ASPG: variants seen among roughly 807,000 people sequenced by gnomAD.
ASPG encodes asparaginase.
In ASPG, 53 loss-of-function variants were observed where a neutral mutation model predicts 63.2. That is an observed-to-expected ratio of 0.84 (90% CI 0.67 to 1.05). ASPG has a LOEUF of 1.05. Ranked by LOEUF, ASPG falls within the 50% of genes least tolerant of loss-of-function variation. The probability of loss-of-function intolerance (pLI) is 0.00; values close to 1 mark genes in which losing one functional copy is unlikely to be tolerated. For missense variants in ASPG, 741 were observed against 794.4 expected, an observed-to-expected ratio of 0.93 and a Z score of 0.81; for synonymous variants, 370 against 355.0, an observed-to-expected ratio of 1.04 and a Z score of -0.48.
At chr14:104,097,916 TC>T (rs1408933866) in intron 5 of ASPG, among the ~76,000 whole-genome samples, 3 of 136,948 alleles carry the variant, frequency 2.2e-5, no homozygotes, top group South Asian at 2.6e-4. Flanking sequence ...GTATGGAGGT[TC>T]TGCGTTAGAG....
intron 4 of ASPG, 90 bp from the exon 5 acceptor site, chr14:104,097,464 T>C: frequency 1.5e-6 from 2 of 1,304,378 alleles, no homozygotes; most frequent in Non-Finnish European, 2.1e-6. Flanking sequence ...GCTCCTGGGC[T>C]GGGCCTGGGG....
In ASPG at chr14:104,114,920, T is replaced by C. The variant is rs961749683; in HGVS notation, c.*2376T>C. ...ATCAGGGCCGCCTTGTCTCTTGCTG[T>C]GGTGTGAGGCTGTGGGAGACTCAGG... On this transcript the variant is annotated 3_prime_UTR_variant, in exon 16 of 16. Coordinates refer to ENST00000551177, the MANE Select transcript of ASPG (RefSeq NM_001080464.3). The C allele has an allele frequency of 6.6e-6, 1 of 152,182 alleles. No homozygotes were observed. The highest frequency in any genetic ancestry group is 1.5e-5 in the Non-Finnish European group (1 of 68,044). 9.4% of individuals were successfully genotyped at this position (152,182 alleles called of 1,614,324 possible).
At chr14:104,112,366 C>A (rs1248914051) in intron 15 of ASPG, 158 bp from the exon 16 acceptor site, 21 of 667,780 alleles carry the variant, frequency 3.1e-5, no homozygotes, top group South Asian at 2.4e-4. Context: ...CAGCTGACAC[C>A]CCCATTCCCA....
intron 6 of ASPG, among the ~76,000 whole-genome samples, chr14:104,101,158 G>A (rs575442953): frequency 1.2e-4 from 18 of 152,316 alleles, no homozygotes; most frequent in Admixed American, 3.9e-4. Flanking sequence ...TCCCACGTGC[G>A]TGTGGGTGTG....
intron 6 of ASPG, 42 bp from the exon 7 acceptor site, chr14:104,103,521 A>G: frequency 6.6e-7 from 1 of 1,511,024 alleles, no homozygotes; most frequent in Non-Finnish European, 9.0e-7. Flanking sequence ...CTCGGCTGGC[A>G]GGAGGCCTGA....
intron 6 of ASPG, among the ~76,000 whole-genome samples, chr14:104,102,200 C>G (rs2036907505): frequency 6.6e-6 from 1 of 152,094 alleles, no homozygotes; most frequent in Non-Finnish European, 1.5e-5. Flanking sequence ...GGGCATCTCA[C>G]GCTGCCATCA....
Position 104,106,840 on chromosome 14 carries a change from C to G in ASPG, c.1215C>G (p.Ala405=). 1 of 1,601,562 alleles carries G rather than the reference C, an allele frequency of 6.2e-7. No individual in the cohort carries two copies. The highest frequency in any genetic ancestry group is 8.5e-7 in the Non-Finnish European group (1 of 1,175,710). Reference sequence around the variant, plus strand: ...GGAATGCCCTGGTGCCCAGCCTGGCCTGTGCTGCTGCCCACGCCGGTGACG... The same window carrying G: ...GGAATGCCCTGGTGCCCAGCCTGGCGTGTGCTGCTGCCCACGCCGGTGACG... ...ALRNALVPSL[A]CAAAHAGDVE... is the part of the protein sequence containing the mutation. The change falls in exon 11 of 16, where the codon GCC becomes GCG. Residue 405 remains alanine (A), a synonymous_variant. Transcript: ENST00000551177.
rs899472752 is a variant in ASPG at position 104,091,046 on chromosome 14, C to T, written c.83-1587C>T. ...ATGACCAGTTAATTTTTGTATTATT[C>T]GTAAAGACAGGGTTTCACCATGTTG... is the stretch of plus-strand genomic sequence containing the variant. On this transcript the variant is annotated intron_variant, in intron 1 of 15. Coordinates refer to ENST00000551177, the MANE Select transcript of ASPG (RefSeq NM_001080464.3). This position sits in a 1 kb window ranked among gnomAD's most constrained non-coding sequence, Gnocchi z 6.4. 3.3e-5 allele frequency among the ~76,000 whole-genome samples: 5 copies of T among 151,946 alleles called. No homozygotes were observed. Among genetic ancestry groups the T allele is most frequent in the Admixed American group, 6.6e-5 (1 of 15,230 alleles).
In ASPG at chr14:104,097,943, C is replaced by T. The variant is rs371887763; in HGVS notation, c.513+306C>T. Among the ~76,000 whole-genome samples, 33 of 110,900 alleles carry T rather than the reference C, an allele frequency of 3.0e-4. 2 individuals carry two copies. The highest frequency in any genetic ancestry group is 2.0e-3 in the East Asian group (5 of 2,510). The allele number at this position is 110,900 out of a possible 152,430, so 72.8% of individuals were successfully genotyped here. A position where few individuals can be genotyped will look rare whatever the true frequency, so the allele number is the denominator to read the frequency against. ...TGCGTTAGAGATGCGTATGGAGGTT[C>T]TGTGTTAGAGATGCGTATGGAGGTT... On this transcript the variant is annotated intron_variant, in intron 5 of 15. Coordinates refer to ENST00000551177, the MANE Select transcript of ASPG (RefSeq NM_001080464.3).
At chr14:104,095,193 C>T (rs1265780493) in intron 3 of ASPG, among the ~76,000 whole-genome samples, 1 of 152,216 alleles carries the variant, frequency 6.6e-6, no homozygotes, top group African/African-American at 2.4e-5. Context: ...GAGGCTCGTG[C>T]ACCACCACAG....
At chr14:104,089,999 A>G (rs1006443814) in intron 1 of ASPG, among the ~76,000 whole-genome samples, 2 of 151,974 alleles carry the variant, frequency 1.3e-5, no homozygotes, top group African/African-American at 2.4e-5. Flanking sequence ...GAAAAAGAAA[A>G]AAGAAAGAAA....
rs1225492635 is a variant in ASPG at position 104,112,703 on chromosome 14, C to G, written c.*159C>G. 1.3e-5 allele frequency: 19 copies of G among 1,490,648 alleles called. No individual in the cohort carries two copies. Among genetic ancestry groups the G allele is most frequent in the Admixed American group, 9.9e-5 (5 of 50,328 alleles). 92.3% of individuals were successfully genotyped at this position (1,490,648 alleles called of 1,614,324 possible). A position where few individuals can be genotyped will look rare whatever the true frequency, so the allele number is the denominator to read the frequency against. On this transcript the variant is annotated 3_prime_UTR_variant, in exon 16 of 16. Transcript: ENST00000551177. ...AGGACGGCAATAAAGTCTCTGACAT[C>G]CCCTCACCAGGTCTGTACAGCCTGG...
At chr14:104,097,485 A>T in intron 4 of ASPG, 69 bp from the exon 5 acceptor site, 1 of 1,453,802 alleles carries the variant, frequency 6.9e-7, no homozygotes, top group Non-Finnish European at 9.3e-7. Flanking sequence ...GTTTACCTGG[A>T]GAGATGAGCC....
intron 14 of ASPG, 79 bp from the exon 15 acceptor site, chr14:104,111,841 C>T: frequency 2.9e-6 from 4 of 1,391,994 alleles, no homozygotes; most frequent in Non-Finnish European, 3.0e-6. Flanking sequence ...CAGGGGAGGG[C>T]ATCCTGGGGA....
intron 1 of ASPG, 135 bp from the exon 2 acceptor site, chr14:104,092,498 C>T (rs2036398144): frequency 2.7e-6 from 2 of 749,886 alleles, no homozygotes; most frequent in South Asian, 3.4e-5. Flanking sequence ...GCAGCCATAG[C>T]CCTTCCTCCC....
At position 104,114,549 on chromosome 14, in the gene ASPG, C is replaced by T. The variant is rs1332991173; in HGVS notation, c.*2005C>T. 1 of 152,226 alleles carries T rather than the reference C, an allele frequency of 6.6e-6. No homozygotes were observed. The highest frequency in any genetic ancestry group is 1.5e-5 in the Non-Finnish European group (1 of 68,156). The allele number at this position is 152,226 out of a possible 1,614,324, so 9.4% of individuals were successfully genotyped here. A position where few individuals can be genotyped will look rare whatever the true frequency, so the allele number is the denominator to read the frequency against. On this transcript the variant is annotated 3_prime_UTR_variant, in exon 16 of 16. Transcript: ENST00000551177. ...AGCTTTCTCGGGGGCCGTTTTGTGC[C>T]CCTTGGGGAGAGGCCAGAGGGGCCC...
At chr14:104,094,483 TCC>T (rs981998258) in intron 3 of ASPG, among the ~76,000 whole-genome samples, 59 of 150,762 alleles carry the variant, frequency 3.9e-4, no homozygotes, top group African/African-American at 1.4e-3. Flanking sequence ...TTCTCCCTTC[TCC>T]CCCATCACAA....
intron 1 of ASPG, among the ~76,000 whole-genome samples, chr14:104,089,947 C>CAAAAAA (rs58405958): frequency 5.3e-5 from 3 of 56,352 alleles, no homozygotes; most frequent in African/African-American, 1.7e-4. Flanking sequence ...GACTCTGCCT[C>CAAAAAA]AAAAAAAAAA....
intron 13 of ASPG, 189 bp from the exon 14 acceptor site, chr14:104,111,313 T>C: frequency 4.2e-6 from 3 of 710,102 alleles, no homozygotes; most frequent in Non-Finnish European, 5.2e-6. Context: ...TCCCACCCAC[T>C]GGGTGAAACC....
Sources: allele counts gnomAD v4.1 joint callset (sites outside exome capture counted in the v4.1 genomes callset), GRCh38; gene constraint gnomAD v4.1.1; non-coding constraint Gnocchi (gnomAD v3.1); transcripts MANE v1.5; gene names NCBI Gene and HGNC (gene_info 2026-07-23, HGNC 2026-07-21).